The following EZR variants were observed in gnomAD, a reference collection of about 807,000 sequenced individuals.
EZR encodes cytovillin 2.
A neutral mutation model predicts 74.8 loss-of-function variants in EZR; 40 were observed. That is an observed-to-expected ratio of 0.53 (90% CI 0.42 to 0.70). The LOEUF (loss-of-function observed/expected upper bound fraction) is 0.70, where lower values mean the gene tolerates loss of function less well. Among genes scored for constraint, EZR ranks in the 30% least tolerant of loss-of-function variants. The probability of loss-of-function intolerance (pLI) is 0.00; values close to 1 mark genes in which losing one functional copy is unlikely to be tolerated. For missense variants in EZR, 678 were observed against 755.8 expected (o/e 0.90, Z 1.21); for synonymous variants, 341 against 283.3 (o/e 1.20, Z -2.05).
At chr6:158,798,622 C>CA (rs1777124419) in intron 2 of EZR, among the ~76,000 whole-genome samples, 1 of 122,204 alleles carries the variant, frequency 8.2e-6, no homozygotes, top group Non-Finnish European at 1.7e-5. Flanking sequence ...TGCTGCTCCG[C>CA]TTTTTTTTTT....
At chr6:158,796,801 T>C (rs1321228530) in intron 2 of EZR, among the ~76,000 whole-genome samples, 1 of 152,216 alleles carries the variant, frequency 6.6e-6, no homozygotes, top group Non-Finnish European at 1.5e-5. Flanking sequence ...ACTTCACAGA[T>C]TGTTCTGCCC....
chr6:158,776,344 C>A, intron 8 of EZR, 64 bp downstream of exon 8: 1 of 1,313,748 alleles, frequency 7.6e-7, no homozygotes, highest in Non-Finnish European at 1.1e-6. Flanking sequence ...ATAACTTGTC[C>A]GTTACCCTGA....
intron 7 of EZR, among the ~76,000 whole-genome samples, chr6:158,782,762 G>A (rs1791467418): frequency 6.6e-6 from 1 of 152,316 alleles, no homozygotes; most frequent in South Asian, 2.1e-4. Flanking sequence ...TCCAGAGGTA[G>A]TTTCCTTCTG....
At chr6:158,803,002 T>C (rs3127192) in intron 2 of EZR, among the ~76,000 whole-genome samples, 71,806 of 151,734 alleles carry the variant, frequency 0.47, 18,064 homozygotes, top group Non-Finnish European at 0.56. Context: ...AAGGAACTTT[T>C]TGAGTAATTT....
In EZR at chr6:158,766,716, T is replaced by TGGCATAA; in HGVS notation, c.*197_*198insTTATGCC. Reference sequence around the variant, plus strand: ...AATAATCGCGAGAATCAGGCCTGCTTGGCACTATTACAACTGGGGAAAACA... The same window carrying TGGCATAA: ...AATAATCGCGAGAATCAGGCCTGCTTGGCATAAGGCACTATTACAACTGGGGAAAACA... On this transcript the variant is annotated 3_prime_UTR_variant, in exon 14 of 14. Transcript: ENST00000367075. The TGGCATAA allele has an allele frequency of 1.6e-6, 1 of 619,460 alleles. No homozygotes were observed. The highest frequency in any genetic ancestry group is 2.9e-6 in the Non-Finnish European group (1 of 347,802). The allele number at this position is 619,460 out of a possible 1,614,324, so 38.4% of individuals were successfully genotyped here. A position where few individuals can be genotyped will look rare whatever the true frequency, so the allele number is the denominator to read the frequency against.
intron 2 of EZR, among the ~76,000 whole-genome samples, chr6:158,792,005 G>A (rs543459012): frequency 6.6e-6 from 1 of 152,030 alleles, no homozygotes; most frequent in Admixed American, 6.5e-5. Context: ...ACCGCGCCCG[G>A]CCCAGACTCC....
chr6:158,811,526 G>GT, intron 2 of EZR, among the ~76,000 whole-genome samples: 1 of 152,290 alleles, frequency 6.6e-6, no homozygotes, highest in African/African-American at 2.4e-5. Context: ...AAATGATACT[G>GT]TTTTCCTTTC....
At chr6:158,818,012 C>A in intron 2 of EZR, 70 bp downstream of exon 2, 21 of 1,528,992 alleles carry the variant, frequency 1.4e-5, no homozygotes, top group Non-Finnish European at 1.9e-5. Context: ...GCCCCAACAC[C>A]TCGAGCAGGT....
chr6:158,784,542 G>T, intron 6 of EZR, 102 bp downstream of exon 6: 1 of 1,050,202 alleles, frequency 9.5e-7, no homozygotes, highest in Non-Finnish European at 1.4e-6. Context: ...TCTTCACAAG[G>T]CCTGACACAG....
intron 2 of EZR, 90 bp downstream of exon 2, chr6:158,817,992 C>A: frequency 7.5e-7 from 1 of 1,341,778 alleles, no homozygotes. Context: ...AACCCTGTTC[C>A]CCAGGAACTG....
At chr6:158,792,864 T>A (rs1365986570) in intron 2 of EZR, among the ~76,000 whole-genome samples, 1 of 147,204 alleles carries the variant, frequency 6.8e-6, no homozygotes, top group Non-Finnish European at 1.5e-5. Context: ...AGTCAACAAA[T>A]CTACACCTCC....
chr6:158,785,593 A>G lies in EZR; in HGVS notation c.193-10T>C, dbSNP rs1230502579. 2 of 1,611,892 alleles carry G rather than the reference A, an allele frequency of 1.2e-6. No homozygotes were observed. The highest frequency in any genetic ancestry group is 1.7e-6 in the Non-Finnish European group (2 of 1,178,268). ...CCTCCTGGGCAGACACCTGCACGAAACAAGCCACACTCTCCACACAAATCC... is the reference window on the plus strand; with the variant it reads ...CCTCCTGGGCAGACACCTGCACGAAGCAAGCCACACTCTCCACACAAATCC... On this transcript the variant is annotated splice_polypyrimidine_tract_variant and intron_variant, in intron 4 of 13. Coordinates refer to ENST00000367075, the MANE Select transcript of EZR (RefSeq NM_001111077.2).
At chr6:158,802,721 G>A (rs188217118) in intron 2 of EZR, among the ~76,000 whole-genome samples, 30 of 111,934 alleles carry the variant, frequency 2.7e-4, no homozygotes, top group African/African-American at 8.7e-4. Flanking sequence ...TAGTAGAAAC[G>A]GGGTTTCACC....
intron 8 of EZR, among the ~76,000 whole-genome samples, chr6:158,776,176 T>A (rs912769117): frequency 3.3e-5 from 5 of 152,248 alleles, no homozygotes; most frequent in Admixed American, 3.3e-4. Context: ...GCTTATCATT[T>A]GGCCAATGGC....
At chr6:158,788,786 T>C (rs1791652004) in intron 3 of EZR, among the ~76,000 whole-genome samples, 1 of 152,246 alleles carries the variant, frequency 6.6e-6, no homozygotes, top group Non-Finnish European at 1.5e-5. Context: ...ATTATTTCTC[T>C]AAATCTTCAT....
At chr6:158,788,023 T>C (rs1215339169) in intron 3 of EZR, among the ~76,000 whole-genome samples, 1 of 152,244 alleles carries the variant, frequency 6.6e-6, no homozygotes, top group Non-Finnish European at 1.5e-5. Flanking sequence ...CCAGACAAGT[T>C]CGACTATTTA....
intron 2 of EZR, among the ~76,000 whole-genome samples, chr6:158,816,003 G>T (rs763856042): frequency 5.3e-5 from 8 of 152,230 alleles, no homozygotes; most frequent in Non-Finnish European, 8.8e-5. Flanking sequence ...ATAAGAGAGA[G>T]AAGGGAGTTC....
At chr6:158,804,266 CT>C (rs750019413) in intron 2 of EZR, among the ~76,000 whole-genome samples, 5 of 152,140 alleles carry the variant, frequency 3.3e-5, no homozygotes, top group Admixed American at 6.6e-5. Flanking sequence ...TTAGACACCA[CT>C]TTCCCCTAAG....
chr6:158,795,674 A>C (rs1777055030), intron 2 of EZR, among the ~76,000 whole-genome samples: 1 of 152,202 alleles, frequency 6.6e-6, no homozygotes, highest in Admixed American at 6.5e-5. Flanking sequence ...CGAGTGGCTT[A>C]CACATTAATG....
Sources: gnomAD v4.1 joint callset for allele counts (sites outside exome capture counted in the v4.1 genomes callset) on GRCh38, gnomAD v4.1.1 for gene constraint, MANE v1.5 for transcripts, NCBI Gene and HGNC (gene_info 2026-07-23, HGNC 2026-07-21) for gene names.